Variants in DCC observed in about 807,000 individuals in gnomAD.
DCC encodes netrin receptor DCC.
Under a neutral mutation model 172.5 loss-of-function variants are expected in DCC, and 58 were observed. The ratio of observed to expected loss-of-function variants is 0.34; its 90% CI spans 0.27 to 0.42. The LOEUF (loss-of-function observed/expected upper bound fraction) is 0.42. Ranked by LOEUF, DCC falls within the 10% of genes least tolerant of loss-of-function variation. The pLI is 1.00. For synonymous variants in DCC, 709 were observed against 644.5 expected (o/e 1.10, Z -1.52); for missense variants, 1,740 against 1,791.0 (o/e 0.97, Z 0.51).
chr18:53,162,196 T>C (rs2054851976), intron 8 of DCC, among the ~76,000 whole-genome samples: 1 of 148,832 alleles, frequency 6.7e-6, no homozygotes, highest in African/African-American at 2.5e-5. Context: ...CTACTTAGAA[T>C]GGTGAGGCAG....
intron 1 of DCC, among the ~76,000 whole-genome samples, chr18:52,549,337 C>T (rs1272110714): frequency 2.6e-5 from 4 of 151,952 alleles, no homozygotes; most frequent in Non-Finnish European, 5.9e-5. Context: ...ATTTTTCTCC[C>T]CTCTTCTAAC....
At chr18:53,502,359 C>A (rs1183184744) in intron 27 of DCC, among the ~76,000 whole-genome samples, 1 of 151,954 alleles carries the variant, frequency 6.6e-6, no homozygotes, top group Non-Finnish European at 1.5e-5. Flanking sequence ...AATGTCTTAC[C>A]TCATGATTTT....
chr18:52,506,095 C>T (rs1475971599), intron 1 of DCC, among the ~76,000 whole-genome samples: 1 of 151,814 alleles, frequency 6.6e-6, no homozygotes, highest in Non-Finnish European at 1.5e-5. Context: ...GCCAAATTCC[C>T]ATAGGAAAAG....
chr18:53,083,460 A>G (rs931366367), intron 7 of DCC, among the ~76,000 whole-genome samples: 1 of 152,206 alleles, frequency 6.6e-6, no homozygotes, highest in Non-Finnish European at 1.5e-5. Flanking sequence ...CAAGAATACT[A>G]AAAGAATTTG....
At chr18:52,895,690 T>C (rs2039718314) in intron 2 of DCC, among the ~76,000 whole-genome samples, 1 of 152,204 alleles carries the variant, frequency 6.6e-6, no homozygotes, top group South Asian at 2.1e-4. Context: ...CATTTTATAT[T>C]TTTTACTATT....
At chr18:53,292,294 A>G (rs1285742372) in intron 12 of DCC, among the ~76,000 whole-genome samples, 1 of 152,210 alleles carries the variant, frequency 6.6e-6, no homozygotes, top group East Asian at 1.9e-4. Context: ...ATATGGTTAC[A>G]TATCTGAGAA....
intron 2 of DCC, among the ~76,000 whole-genome samples, chr18:52,856,396 C>A (rs112349071): frequency 0.17 from 25,052 of 151,390 alleles, 2,085 homozygotes; most frequent in South Asian, 0.26. Flanking sequence ...GAGGCCGAGG[C>A]GGGCGTTTCA....
chr18:52,424,138 T>C (rs983638795), intron 1 of DCC, among the ~76,000 whole-genome samples: 4 of 152,182 alleles, frequency 2.6e-5, no homozygotes, highest in Admixed American at 1.3e-4. Context: ...GGATTTGCAT[T>C]GCATTGGATC....
intron 7 of DCC, among the ~76,000 whole-genome samples, chr18:53,109,513 T>C (rs1353846025): frequency 5.3e-5 from 8 of 151,686 alleles, no homozygotes; most frequent in African/African-American, 1.9e-4. Flanking sequence ...TCTCTGTGTG[T>C]GTGTGTCTGT....
At chr18:52,988,233 T>C (rs1307527545) in intron 5 of DCC, among the ~76,000 whole-genome samples, 1 of 150,488 alleles carries the variant, frequency 6.6e-6, no homozygotes, top group Admixed American at 6.7e-5. Context: ...TTATCTGATG[T>C]AAGCATATTT....
chr18:53,202,348 T>C (rs918705719), intron 9 of DCC, among the ~76,000 whole-genome samples: 8 of 152,256 alleles, frequency 5.3e-5, no homozygotes, highest in South Asian at 4.1e-4. Context: ...TGAACACCAG[T>C]ATAATTAAGG....
In DCC at chr18:52,385,276, A is replaced by T. The variant is rs180980217; in HGVS notation, c.91+44398A>T. Among the ~76,000 whole-genome samples the T allele has an allele frequency of 6.6e-3, 997 of 151,966 alleles. 7 individuals carry two copies. The highest frequency in any genetic ancestry group is 8.1e-3 in the African/African-American group (334 of 41,468). On this transcript the variant is annotated intron_variant, in intron 1 of 28. Coordinates refer to ENST00000442544, the MANE Select transcript of DCC (RefSeq NM_005215.4). ...TTTGAAATTACACATTTTTATTTTT[A>T]TTTATTTATTTATTTTGGAGACAGA...
At chr18:52,592,640 T>C (rs1416324778) in intron 1 of DCC, among the ~76,000 whole-genome samples, 1 of 152,178 alleles carries the variant, frequency 6.6e-6, no homozygotes, top group African/African-American at 2.4e-5. Context: ...AATAAGGATA[T>C]GGAAATAGGA....
chr18:53,383,949 T>G (rs977578337), intron 15 of DCC, among the ~76,000 whole-genome samples: 6 of 152,152 alleles, frequency 3.9e-5, no homozygotes, highest in African/African-American at 1.4e-4. Flanking sequence ...GAAGTATTTA[T>G]CTTTGCATAT....
chr18:53,207,177 A>C (rs377585545), intron 10 of DCC, among the ~76,000 whole-genome samples: 2 of 152,194 alleles, frequency 1.3e-5, no homozygotes, highest in African/African-American at 4.8e-5. Flanking sequence ...TATCTCATTT[A>C]CTGCAGCCAT....
At chr18:52,910,294 T>G (rs1463048233) in intron 3 of DCC, among the ~76,000 whole-genome samples, 2 of 152,148 alleles carry the variant, frequency 1.3e-5, no homozygotes, top group Non-Finnish European at 1.5e-5. Context: ...AGTGTTACTG[T>G]GTTTAAAACA....
intron 1 of DCC, among the ~76,000 whole-genome samples, chr18:52,477,940 G>A (rs1160139741): frequency 2.6e-5 from 4 of 152,062 alleles, no homozygotes; most frequent in Admixed American, 2.6e-4. Flanking sequence ...CTCCTGTGTA[G>A]CTGGGATTGC....
chr18:53,468,888 A>G (rs1461315721), intron 25 of DCC, among the ~76,000 whole-genome samples: 1 of 152,164 alleles, frequency 6.6e-6, no homozygotes. Context: ...TGGTAATTAC[A>G]GTATTCATGC....
chr18:53,204,144 A>G (rs1030432102), intron 9 of DCC, among the ~76,000 whole-genome samples: 3 of 150,444 alleles, frequency 2.0e-5, no homozygotes, highest in African/African-American at 7.5e-5. Context: ...ATATAGTTAC[A>G]TTTGATTAAC....
Sources: gnomAD v4.1 joint callset for allele counts (sites outside exome capture counted in the v4.1 genomes callset) on GRCh38, gnomAD v4.1.1 for gene constraint, MANE v1.5 for transcripts, NCBI Gene and HGNC (gene_info 2026-07-23, HGNC 2026-07-21) for gene names.